SLC35F4: variants seen among roughly 807,000 people sequenced by gnomAD.
The protein encoded by SLC35F4 is solute carrier family 35 member F4, also known as chromosome 14 open reading frame 36.
Under a neutral mutation model 44.2 loss-of-function variants are expected in SLC35F4, and 24 were observed. The observed-to-expected ratio is 0.54, with a 90% CI of 0.39 to 0.76. SLC35F4 has a LOEUF of 0.76. Ranked by LOEUF, SLC35F4 falls within the 30% of genes least tolerant of loss-of-function variation. The probability of loss-of-function intolerance (pLI) is 0.00; values close to 1 mark genes in which losing one functional copy is unlikely to be tolerated. For synonymous variants in SLC35F4, 238 were observed against 223.6 expected (o/e 1.06, Z -0.57); for missense variants, 562 against 586.1 (o/e 0.96, Z 0.42).
chr14:57,771,521 G>A (rs1192521689), intron 1 of SLC35F4, among the ~76,000 whole-genome samples: 2 of 152,276 alleles, frequency 1.3e-5, no homozygotes, highest in East Asian at 3.9e-4. Context: ...CATAGAATCT[G>A]CTACAAATTG....
At chr14:57,797,928 A>G (rs951426107) in intron 1 of SLC35F4, among the ~76,000 whole-genome samples, 7 of 152,090 alleles carry the variant, frequency 4.6e-5, no homozygotes, top group African/African-American at 1.7e-4. Context: ...AAGTAGAGAC[A>G]TAAAATGTGC....
chr14:57,602,190 G>A (rs371844276), intron 1 of SLC35F4, among the ~76,000 whole-genome samples: 23 of 151,872 alleles, frequency 1.5e-4, no homozygotes, highest in African/African-American at 5.1e-4. Flanking sequence ...ATGCTTCATA[G>A]AGGACAATGG....
At chr14:57,708,318 C>T (rs59973513) in intron 1 of SLC35F4, among the ~76,000 whole-genome samples, 60,138 of 151,904 alleles carry the variant, frequency 0.4, 11,935 homozygotes, top group Middle Eastern at 0.42. Flanking sequence ...TCCCAAGCCC[C>T]GACCCACCAA....
At chr14:57,845,405 C>T (rs1179570853) in intron 1 of SLC35F4, among the ~76,000 whole-genome samples, 1 of 152,150 alleles carries the variant, frequency 6.6e-6, no homozygotes, top group Admixed American at 6.5e-5. Context: ...GCTATTGCTT[C>T]GGCAAGGGTA....
intron 1 of SLC35F4, among the ~76,000 whole-genome samples, chr14:57,969,536 A>G (rs1880990093): frequency 6.6e-6 from 1 of 152,136 alleles, no homozygotes; most frequent in African/African-American, 2.4e-5. Context: ...TAATCTGTCT[A>G]TTCTCTATAC....
At chr14:57,616,456 T>C (rs561959874) in intron 1 of SLC35F4, among the ~76,000 whole-genome samples, 80 of 152,316 alleles carry the variant, frequency 5.3e-4, no homozygotes, top group Non-Finnish European at 8.8e-4. Flanking sequence ...GTGATGTACA[T>C]GCTCCCCTAG....
At chr14:57,752,449 GT>G (rs1292213550) in intron 1 of SLC35F4, among the ~76,000 whole-genome samples, 77 of 146,102 alleles carry the variant, frequency 5.3e-4, no homozygotes, top group African/African-American at 1.2e-3. Context: ...AAGCCCTGAG[GT>G]TTTTTTTTTT....
chr14:57,674,759 C>T (rs1160282859), intron 1 of SLC35F4, among the ~76,000 whole-genome samples: 2 of 152,042 alleles, frequency 1.3e-5, no homozygotes, highest in Non-Finnish European at 2.9e-5. Flanking sequence ...GTACCAGTAG[C>T]CAGAGTATCA....
chr14:57,772,670 C>A (rs1036155888), intron 1 of SLC35F4, among the ~76,000 whole-genome samples: 3 of 152,108 alleles, frequency 2.0e-5, no homozygotes, highest in Admixed American at 1.3e-4. Context: ...GCCTCTAGTT[C>A]CATCCATGAT....
rs141659919 is a variant in SLC35F4, at chr14:57,897,716, T to C, written n.282+84197A>G. On this transcript the variant is annotated intron_variant and non_coding_transcript_variant, in intron 1 of 1. Transcript: ENST00000556568. The stretch of plus-strand genomic sequence containing the variant: ...GCTAATGAAGAAATAATTTCTCAAA[T>C]GGAAAATAATTTGGTTACTGCTTTT... 4.9e-4 allele frequency among the ~76,000 whole-genome samples: 75 copies of C among 152,322 alleles called. 1 individual carries two copies. Among genetic ancestry groups the C allele is most frequent in the Admixed American group, 3.1e-3 (47 of 15,288 alleles).
At chr14:57,808,304 G>T (rs926155153) in intron 1 of SLC35F4, among the ~76,000 whole-genome samples, 1 of 151,814 alleles carries the variant, frequency 6.6e-6, no homozygotes, top group Admixed American at 6.6e-5. Flanking sequence ...ACTGGAATCC[G>T]CTCCACCTGT....
chr14:57,579,127 G>A (rs565857819), intron 4 of SLC35F4: 21 of 152,280 alleles, frequency 1.4e-4, no homozygotes, highest in African/African-American at 4.6e-4. Context: ...AAGGACACTT[G>A]TTATTGGATT....
rs560116229 is a variant in SLC35F4, at chr14:57,910,767, T to G, written n.282+71146A>C. 4.6e-5 allele frequency among the ~76,000 whole-genome samples: 7 copies of G among 152,152 alleles called. No homozygotes were observed. In the South Asian group the frequency reaches 1.5e-3, roughly 32 times the overall value. On this transcript the variant is annotated intron_variant and non_coding_transcript_variant, in intron 1 of 1. Coordinates refer to the SLC35F4 transcript ENST00000556568. ...TCAATATTTTATCAGATAATCAGGCTCTCTTGCCTCTTCATATAAGCTTTA... is the reference window on the plus strand; with the variant it reads ...TCAATATTTTATCAGATAATCAGGCGCTCTTGCCTCTTCATATAAGCTTTA...
intron 1 of SLC35F4, among the ~76,000 whole-genome samples, chr14:57,721,769 G>A (rs923896246): frequency 9.2e-5 from 14 of 152,050 alleles, no homozygotes; most frequent in Non-Finnish European, 1.5e-4. Flanking sequence ...TTTTTTGCCA[G>A]AAGAAACAGC....
chr14:57,928,606 A>G (rs1889628892), intron 1 of SLC35F4, among the ~76,000 whole-genome samples: 1 of 152,222 alleles, frequency 6.6e-6, no homozygotes, highest in Non-Finnish European at 1.5e-5. Context: ...TTAAAACAGA[A>G]AGGTTTCAGT....
At chr14:57,564,828 C>T (rs936666344) in intron 7 of SLC35F4, among the ~76,000 whole-genome samples, 6 of 141,886 alleles carry the variant, frequency 4.2e-5, no homozygotes, top group Non-Finnish European at 9.7e-5. Context: ...ATGCAGCCAC[C>T]ACCTCTCTCT....
chr14:57,844,645 T>G (rs1372707828), intron 1 of SLC35F4, among the ~76,000 whole-genome samples: 1 of 152,166 alleles, frequency 6.6e-6, no homozygotes, highest in African/African-American at 2.4e-5. Context: ...CTTATTTCTT[T>G]TTACCTTCTA....
At chr14:57,596,563 G>T in intron 1 of SLC35F4, 1 of 378,478 alleles carries the variant, frequency 2.6e-6, no homozygotes. Flanking sequence ...GGTAATATTG[G>T]GTTTCATTTT....
intron 1 of SLC35F4, among the ~76,000 whole-genome samples, chr14:57,685,485 G>C (rs1443949261): frequency 6.6e-6 from 1 of 152,180 alleles, no homozygotes; most frequent in African/African-American, 2.4e-5. Context: ...CATTGGTAAT[G>C]ACAGGTGATA....
Sources: allele counts gnomAD v4.1 joint callset (sites outside exome capture counted in the v4.1 genomes callset), GRCh38; gene constraint gnomAD v4.1.1; transcripts MANE v1.5; gene names NCBI Gene and HGNC (gene_info 2026-07-23, HGNC 2026-07-21).